Variants in LDB3 observed in about 807,000 individuals in gnomAD.
LDB3 encodes the protein LIM domain-binding protein 3.
LDB3 carries 49 observed loss-of-function variants against 69.0 expected under a neutral mutation model. That is an observed-to-expected ratio of 0.71 (90% confidence interval 0.56 to 0.90). The LOEUF is 0.90. LDB3 is among the 40% of genes least tolerant of loss of function. The pLI, the probability that LDB3 is intolerant of heterozygous loss-of-function variation, is 0.00. For missense variants in LDB3, 928 were observed against 974.1 expected, an observed-to-expected ratio of 0.95 and a Z score of 0.63; for synonymous variants, 387 against 396.2, an observed-to-expected ratio of 0.98 and a Z score of 0.28.
chr10:86,714,584 C>G (rs2132477530), intron 9 of LDB3, among the ~76,000 whole-genome samples: 1 of 127,162 alleles, frequency 7.9e-6, no homozygotes, highest in South Asian at 2.5e-4. Flanking sequence ...GAGATGGAGT[C>G]TTGCTCTGTT....
chr10:86,705,163 C>T (rs1201961576), intron 7 of LDB3, among the ~76,000 whole-genome samples: 1 of 152,156 alleles, frequency 6.6e-6, no homozygotes, highest in Non-Finnish European at 1.5e-5. Context: ...CATGAGGTAC[C>T]GGTTAAGGAT....
At position 86,712,420 on chromosome 10, in the gene LDB3, C is replaced by G. The variant is rs184942514; in HGVS notation, c.1231+2370C>G. Among the ~76,000 whole-genome samples, 208 of 152,250 alleles carry G rather than the reference C, an allele frequency of 1.4e-3. 5 individuals are homozygous for G. The highest frequency in any genetic ancestry group is 1.4e-3 in the Non-Finnish European group (96 of 68,024). On this transcript the variant is annotated intron_variant, in intron 9 of 13. Transcript: ENST00000361373. ...AGGGCCCTGTTTACTTGAAAGGGGGCGTACTAAAGCCTGTTTTGCTGCTTG... is the reference window on the plus strand; with the variant it reads ...AGGGCCCTGTTTACTTGAAAGGGGGGGTACTAAAGCCTGTTTTGCTGCTTG...
At chr10:86,706,289 T>C (rs1038885823) in intron 7 of LDB3, among the ~76,000 whole-genome samples, 3 of 151,950 alleles carry the variant, frequency 2.0e-5, no homozygotes, top group Non-Finnish European at 4.4e-5. Flanking sequence ...TCCTCCAGGA[T>C]TGAAAAAGTT....
rs149127817 is a variant in LDB3, at chr10:86,718,175, CAT to C, written c.1857+32_1857+33del. The C allele has an allele frequency of 1.1e-3, 1,816 of 1,601,088 alleles. 18 individuals are homozygous for C. In the East Asian group the frequency reaches 0.012, roughly 10 times the overall value. Reference sequence around the variant, plus strand: ...TGGGAGGCCTCCATTTCCTCTGACCCATGTCTCTTCCCCAGCCCTTCCCCAAG... The same window carrying C: ...TGGGAGGCCTCCATTTCCTCTGACCCGTCTCTTCCCCAGCCCTTCCCCAAG... On this transcript the variant is annotated intron_variant, in intron 11 of 13. Transcript: ENST00000361373.
chr10:86,705,697 CCTTT>C (rs1280415689), intron 7 of LDB3, among the ~76,000 whole-genome samples: 1 of 152,182 alleles, frequency 6.6e-6, no homozygotes, highest in African/African-American at 2.4e-5. Context: ...AGTGTGGTCG[CCTTT>C]CTCTTTCCCA....
chr10:86,730,946 A>G (rs1847432704), intron 13 of LDB3, among the ~76,000 whole-genome samples: 1 of 151,962 alleles, frequency 6.6e-6, no homozygotes, highest in Admixed American at 6.6e-5. Flanking sequence ...TGGGGTCAGG[A>G]GTTTGAAACC....
At chr10:86,717,795 A>G (rs771108994) in intron 10 of LDB3, among the ~76,000 whole-genome samples, 169 bp from the exon 11 acceptor site, 1 of 152,246 alleles carries the variant, frequency 6.6e-6, no homozygotes, top group Non-Finnish European at 1.5e-5. Context: ...TGATGCAACA[A>G]TGAACACCTT....
At chr10:86,709,245 G>A (rs1846550086) in intron 8 of LDB3, among the ~76,000 whole-genome samples, 1 of 152,154 alleles carries the variant, frequency 6.6e-6, no homozygotes, top group South Asian at 2.1e-4. Context: ...AATGAACTAG[G>A]ACGCTTTTTT....
chr10:86,718,973 AC>A, intron 12 of LDB3, 126 bp downstream of exon 12: 1 of 1,269,058 alleles, frequency 7.9e-7, no homozygotes, highest in Non-Finnish European at 1.1e-6. Context: ...TCTGGAAGAA[AC>A]CTTTGTTTTT....
intron 4 of LDB3, 57 bp from the exon 5 acceptor site, chr10:86,681,379 G>A (rs546745520): frequency 1.4e-5 from 23 of 1,596,184 alleles, no homozygotes; most frequent in African/African-American, 4.0e-5. Flanking sequence ...GCGCTGGGAC[G>A]CGTGTGGCCT....
chr10:86,683,485 A>G (rs780874960), intron 5 of LDB3, among the ~76,000 whole-genome samples: 1 of 152,236 alleles, frequency 6.6e-6, no homozygotes, highest in Non-Finnish European at 1.5e-5. Context: ...CTGCCTGCTC[A>G]GGGAAGTGAG....
intron 2 of LDB3, among the ~76,000 whole-genome samples, chr10:86,678,990 C>T (rs1293038627): frequency 2.6e-5 from 4 of 152,174 alleles, no homozygotes; most frequent in South Asian, 2.1e-4. Context: ...ATTCATGCAA[C>T]GTCCAATACA....
Position 86,710,532 on chromosome 10 carries a change from G to T in LDB3, c.1231+482G>T, listed in dbSNP as rs1222960215. ...CGGGAGGCCGAGGTTGCAGTGAGCC[G>T]AGACTGCACCATTGCACTCCAGCCT... On this transcript the variant is annotated intron_variant, in intron 9 of 13. Transcript: ENST00000361373. Among the ~76,000 whole-genome samples the T allele has an allele frequency of 2.6e-5, 4 of 152,342 alleles. No homozygotes were observed. The South Asian group carries it at 8.3e-4, about 32-fold the overall frequency.
intron 5 of LDB3, among the ~76,000 whole-genome samples, chr10:86,691,103 G>A (rs964481932): frequency 2.0e-5 from 3 of 152,200 alleles, no homozygotes; most frequent in African/African-American, 4.8e-5. Flanking sequence ...CAGGCTGGGA[G>A]GCACTGGACC....
intron 2 of LDB3, among the ~76,000 whole-genome samples, chr10:86,677,760 C>G (rs916200373): frequency 2.6e-5 from 4 of 152,196 alleles, no homozygotes; most frequent in Admixed American, 2.6e-4. Context: ...GAACCCTAAG[C>G]CCTGCCCCAT....
intron 4 of LDB3, among the ~76,000 whole-genome samples, chr10:86,680,958 G>T (rs949922657): frequency 6.6e-6 from 1 of 152,166 alleles, no homozygotes; most frequent in Non-Finnish European, 1.5e-5. Context: ...GTAGACTGAG[G>T]GGCCCAAATG....
At chr10:86,715,890 A>C (rs939248113) in intron 9 of LDB3, among the ~76,000 whole-genome samples, 3 of 152,192 alleles carry the variant, frequency 2.0e-5, no homozygotes, top group Non-Finnish European at 4.4e-5. Flanking sequence ...CAGCAAACTT[A>C]TGCCAAGGGA....
At chr10:86,728,575 A>G (rs563466239) in intron 13 of LDB3, among the ~76,000 whole-genome samples, 1 of 106,248 alleles carries the variant, frequency 9.4e-6, no homozygotes, top group South Asian at 3.3e-4. Flanking sequence ...AAAGTGGAAC[A>G]TGGTTCTTTT....
chr10:86,730,781 C>T (rs1385147091), intron 13 of LDB3, among the ~76,000 whole-genome samples: 2 of 152,142 alleles, frequency 1.3e-5, no homozygotes, highest in African/African-American at 2.4e-5. Flanking sequence ...TGGTAGTCCC[C>T]ACAAATATTA....
Sources: gnomAD v4.1 joint callset for allele counts (sites outside exome capture counted in the v4.1 genomes callset) on GRCh38, gnomAD v4.1.1 for gene constraint, MANE v1.5 for transcripts, NCBI Gene and HGNC (gene_info 2026-07-23, HGNC 2026-07-21) for gene names.